PLEKHG7: variants seen among roughly 807,000 people sequenced by gnomAD.
PLEKHG7 encodes pleckstrin homology and RhoGEF domain containing G7.
PLEKHG7 carries 77 observed loss-of-function variants against 85.2 expected under a neutral mutation model. The ratio of observed to expected loss-of-function variants is 0.90; its 90% CI spans 0.75 to 1.09. PLEKHG7 has a LOEUF of 1.09. PLEKHG7 is among the 50% of genes least tolerant of loss of function. PLEKHG7 has a pLI of 0.00. For missense variants in PLEKHG7, 777 were observed against 804.3 expected, an observed-to-expected ratio of 0.97 and a Z score of 0.41; for synonymous variants, 301 against 302.4, an observed-to-expected ratio of 1.00 and a Z score of 0.05.
chr12:92,752,964 A>T (rs953724457), intron 10 of PLEKHG7, among the ~76,000 whole-genome samples: 1 of 152,166 alleles, frequency 6.6e-6, no homozygotes, highest in Non-Finnish European at 1.5e-5. Flanking sequence ...TTATAGGGAC[A>T]CTAATCCCAT....
In PLEKHG7 at chr12:92,754,089, G is replaced by A. The variant is rs749882326; in HGVS notation, c.1252-1G>A. ...GATATGGCTGCTTTTGCCTTCCCCA[G>A]TGGTGTGAGCAGAATGAACAATGCA... On this transcript the variant is annotated splice_acceptor_variant, in intron 10 of 16. Coordinates refer to ENST00000344636, the MANE Select transcript of PLEKHG7 (RefSeq NM_001377329.1). LOFTEE classifies it high-confidence loss of function. 3.1e-6 allele frequency: 5 copies of A among 1,612,450 alleles called. No individual in the cohort carries two copies. In the East Asian group the frequency reaches 8.9e-5, roughly 29 times the overall value.
intron 3 of PLEKHG7, among the ~76,000 whole-genome samples, chr12:92,713,691 G>A (rs1421048637): frequency 6.6e-6 from 1 of 152,038 alleles, no homozygotes; most frequent in Non-Finnish European, 1.5e-5. Context: ...CTCTCTACTG[G>A]GATGAGTAGG....
intron 1 of PLEKHG7, among the ~76,000 whole-genome samples, chr12:92,705,616 C>T (rs970283040): frequency 9.2e-5 from 14 of 152,374 alleles, no homozygotes; most frequent in African/African-American, 2.9e-4. Context: ...CCCATGCCAT[C>T]TGCGGCCAGG....
At chr12:92,730,972 G>A (rs7969305) in intron 4 of PLEKHG7, among the ~76,000 whole-genome samples, 2,556 of 152,238 alleles carry the variant, frequency 0.017, 86 homozygotes, top group African/African-American at 0.058. Context: ...TGCTGCTCAC[G>A]CTTTGCTGTG....
At chr12:92,762,898 G>A (rs1342361419) in intron 14 of PLEKHG7, among the ~76,000 whole-genome samples, 1 of 152,172 alleles carries the variant, frequency 6.6e-6, no homozygotes, top group Non-Finnish European at 1.5e-5. Context: ...CTAATCGGTG[G>A]TTGGGGAGGG....
intron 14 of PLEKHG7, among the ~76,000 whole-genome samples, chr12:92,763,137 G>C (rs756544899): frequency 1.3e-5 from 2 of 152,036 alleles, no homozygotes; most frequent in Non-Finnish European, 2.9e-5. Context: ...CTGATATTCC[G>C]GTTTTATGCA....
intron 5 of PLEKHG7, among the ~76,000 whole-genome samples, chr12:92,735,232 A>C (rs1872107950): frequency 6.6e-6 from 1 of 152,204 alleles, no homozygotes; most frequent in African/African-American, 2.4e-5. Context: ...CATCAACAAA[A>C]GGCATATGTC....
At chr12:92,727,993 C>A (rs1871872945) in intron 3 of PLEKHG7, among the ~76,000 whole-genome samples, 1 of 141,818 alleles carries the variant, frequency 7.1e-6, no homozygotes, top group Non-Finnish European at 1.5e-5. Context: ...TATACACACA[C>A]CACATTCCAT....
intron 15 of PLEKHG7, among the ~76,000 whole-genome samples, chr12:92,765,028 C>T (rs911715186): frequency 6.6e-6 from 1 of 152,094 alleles, no homozygotes; most frequent in African/African-American, 2.4e-5. Context: ...AAAGAGAAAG[C>T]GCTCACCATC....
rs1027567326 is a variant in PLEKHG7 at position 92,772,119 on chromosome 12, T to C, written c.*1924T>C. 1 of 151,522 alleles carries C rather than the reference T, an allele frequency of 6.6e-6. No individual in the cohort carries two copies. Among genetic ancestry groups the C allele is most frequent in the Non-Finnish European group, 1.5e-5 (1 of 67,754 alleles). 9.4% of individuals were successfully genotyped at this position (151,522 alleles called of 1,614,324 possible). A position where few individuals can be genotyped will look rare whatever the true frequency, so the allele number is the denominator to read the frequency against. On this transcript the variant is annotated 3_prime_UTR_variant, in exon 17 of 17. Transcript: ENST00000344636. ...AAAAATAGCAAAAAACAATGGCACATTGGGCCTTCCAAAAAGTATCTTTGG... is the reference window on the plus strand; with the variant it reads ...AAAAATAGCAAAAAACAATGGCACACTGGGCCTTCCAAAAAGTATCTTTGG...
chr12:92,756,471 G>A, intron 13 of PLEKHG7, 80 bp downstream of exon 13: 1 of 1,112,452 alleles, frequency 9.0e-7, no homozygotes, highest in African/African-American at 1.5e-5. Flanking sequence ...TGAAGAGCAG[G>A]AGGACTTGTG....
intron 3 of PLEKHG7, 108 bp downstream of exon 3, chr12:92,707,780 C>T: frequency 6.4e-7 from 1 of 1,573,374 alleles, no homozygotes; most frequent in Non-Finnish European, 8.7e-7. Flanking sequence ...TTAACCAGTG[C>T]ACTTTGTTTT....
chr12:92,728,889 C>T, intron 3 of PLEKHG7, 104 bp from the exon 4 acceptor site: 2 of 954,864 alleles, frequency 2.1e-6, no homozygotes, highest in Non-Finnish European at 2.7e-6. Context: ...CCTTTCTCCA[C>T]AACCACGCCA....
At position 92,707,324 on chromosome 12, in the gene PLEKHG7, G is replaced by A. The variant is rs905155718; in HGVS notation, c.507+186G>A. 21 of 1,429,532 alleles carry A rather than the reference G, an allele frequency of 1.5e-5. 1 individual carries two copies. The highest frequency in any genetic ancestry group is 4.5e-6 in the Non-Finnish European group (5 of 1,098,960). The allele number at this position is 1,429,532 out of a possible 1,614,324, so 88.6% of individuals were successfully genotyped here. Reference sequence around the variant, plus strand: ...TAAGTGAAAGGAGGGCAGCAATCTGGGGAGGAAAGAAAATGATCTCGCTCA... The same window carrying A: ...TAAGTGAAAGGAGGGCAGCAATCTGAGGAGGAAAGAAAATGATCTCGCTCA... On this transcript the variant is annotated intron_variant, in intron 2 of 16. Transcript: ENST00000344636.
chr12:92,765,196 T>C (rs555659918), intron 15 of PLEKHG7, among the ~76,000 whole-genome samples: 4 of 152,138 alleles, frequency 2.6e-5, no homozygotes, highest in African/African-American at 9.6e-5. Flanking sequence ...AAGTTATATA[T>C]TTAAATGCTG....
In PLEKHG7 at chr12:92,705,845, T is replaced by TTA. The variant is rs1871213910; in HGVS notation, c.-161-625_-161-624insAT. Reference sequence around the variant, plus strand: ...TTTTCTTGAGCATGAGAAGAGATAATTCTGCATGCATAGATTGCAAAAAAC... The same window carrying TTA: ...TTTTCTTGAGCATGAGAAGAGATAATTATCTGCATGCATAGATTGCAAAAAAC... On this transcript the variant is annotated intron_variant, in intron 1 of 16. Coordinates refer to ENST00000344636, the MANE Select transcript of PLEKHG7 (RefSeq NM_001377329.1). Among the ~76,000 whole-genome samples the TTA allele has an allele frequency of 2.6e-5, 4 of 152,368 alleles. No individual in the cohort carries two copies. The South Asian group carries it at 8.3e-4, about 32-fold the overall frequency.
At chr12:92,734,178 A>T (rs1408417659) in intron 5 of PLEKHG7, among the ~76,000 whole-genome samples, 1 of 152,208 alleles carries the variant, frequency 6.6e-6, no homozygotes, top group Non-Finnish European at 1.5e-5. Flanking sequence ...CATGTAATTC[A>T]TATCTCTATA....
chr12:92,748,846 G>A (rs555224010), intron 10 of PLEKHG7, among the ~76,000 whole-genome samples: 1 of 152,370 alleles, frequency 6.6e-6, no homozygotes, highest in Non-Finnish European at 1.5e-5. Context: ...AGGTCAGGGA[G>A]AGACTCGCAG....
At chr12:92,726,049 G>A (rs983135967) in intron 3 of PLEKHG7, among the ~76,000 whole-genome samples, 1 of 152,154 alleles carries the variant, frequency 6.6e-6, no homozygotes. Context: ...GAACCTAATA[G>A]GGCATGATAC....
Sources: gnomAD v4.1 joint callset for allele counts (sites outside exome capture counted in the v4.1 genomes callset) on GRCh38, gnomAD v4.1.1 for gene constraint, MANE v1.5 for transcripts, NCBI Gene and HGNC (gene_info 2026-07-23, HGNC 2026-07-21) for gene names.